Variants in RUNX2 observed in about 807,000 individuals in gnomAD.
RUNX2 encodes RUNX family transcription factor 2, also known as runt-related transcription factor 2.
RUNX2 carries 10 observed loss-of-function variants against 51.7 expected under a neutral mutation model. The ratio of observed to expected loss-of-function variants is 0.19; its 90% confidence interval spans 0.12 to 0.33. The LOEUF (loss-of-function observed/expected upper bound fraction) is 0.33, where lower values mean the gene tolerates loss of function less well. Ranked by LOEUF, RUNX2 falls within the 10% of genes least tolerant of loss-of-function variation. RUNX2 has a pLI of 1.00. For missense variants in RUNX2, 562 were observed against 691.3 expected, an observed-to-expected ratio of 0.81 and a Z score of 2.10; for synonymous variants, 276 against 273.6, an observed-to-expected ratio of 1.01 and a Z score of -0.09.
intron 7 of RUNX2, among the ~76,000 whole-genome samples, chr6:45,516,814 T>C (rs1012935717): frequency 2.6e-5 from 4 of 152,234 alleles, no homozygotes; most frequent in African/African-American, 9.6e-5. Context: ...CATTACAAAA[T>C]ACTATGTAAA....
At chr6:45,505,591 T>C (rs554054687) in intron 6 of RUNX2, among the ~76,000 whole-genome samples, 1 of 152,252 alleles carries the variant, frequency 6.6e-6, no homozygotes, top group African/African-American at 2.4e-5. Flanking sequence ...AAAAAGACTG[T>C]TTGCTTTCCT....
chr6:45,441,560 T>C (rs1330504930), intron 5 of RUNX2, among the ~76,000 whole-genome samples: 1 of 152,244 alleles, frequency 6.6e-6, no homozygotes, highest in Non-Finnish European at 1.5e-5. Flanking sequence ...CAGCTATTAT[T>C]ACATCAATTT....
At chr6:45,487,354 C>G (rs1800314108) in intron 5 of RUNX2, among the ~76,000 whole-genome samples, 1 of 152,110 alleles carries the variant, frequency 6.6e-6, no homozygotes, top group Non-Finnish European at 1.5e-5. Flanking sequence ...CTCAGGGACT[C>G]AGGGTCCTCA....
intron 3 of RUNX2, 81 bp from the exon 4 acceptor site, chr6:45,431,782 A>C: frequency 6.8e-7 from 1 of 1,479,966 alleles, no homozygotes; most frequent in Admixed American, 1.7e-5. Context: ...GATAAGACAC[A>C]TCATTTGCAA....
chr6:45,516,577 A>G (rs1801328927), intron 7 of RUNX2, among the ~76,000 whole-genome samples: 1 of 152,206 alleles, frequency 6.6e-6, no homozygotes, highest in Non-Finnish European at 1.5e-5. Flanking sequence ...GATTTTATAC[A>G]TTATCTCACT....
At position 45,549,469 on chromosome 6, in the gene RUNX2, TA is replaced by T. The variant is rs1438326285; in HGVS notation, c.*2165del. 5.0e-6 allele frequency: 2 copies of T among 398,000 alleles called. No individual in the cohort carries two copies. Among genetic ancestry groups the T allele is most frequent in the South Asian group, 2.7e-4 (2 of 7,428 alleles). 24.7% of individuals were successfully genotyped at this position (398,000 alleles called of 1,614,324 possible). ...AACACTTTGCCTTCTAAAGGCCGTA[TA>T]CCAAGTATGCTTAGATAAATAAGCC... On this transcript the variant is annotated 3_prime_UTR_variant, in exon 9 of 9. Coordinates refer to ENST00000647337, the MANE Select transcript of RUNX2 (RefSeq NM_001024630.4).
At chr6:45,467,321 G>A (rs1031437642) in intron 5 of RUNX2, among the ~76,000 whole-genome samples, 11 of 151,800 alleles carry the variant, frequency 7.2e-5, no homozygotes, top group South Asian at 2.1e-4. Context: ...TCCCTCTGTC[G>A]CTCAGGCTGG....
intron 2 of RUNX2, among the ~76,000 whole-genome samples, chr6:45,348,724 TTAAA>T (rs753710101): frequency 6.6e-6 from 1 of 151,040 alleles, no homozygotes; most frequent in Non-Finnish European, 1.5e-5. Context: ...TAACAAGGCA[TTAAA>T]TGAAATAATA....
intron 2 of RUNX2, among the ~76,000 whole-genome samples, chr6:45,402,416 G>A (rs1458736451): frequency 2.0e-5 from 3 of 152,134 alleles, no homozygotes; most frequent in South Asian, 4.1e-4. Context: ...ATTTTAAAGA[G>A]CCCTGAAATG....
chr6:45,456,993 T>C (rs1799335616), intron 5 of RUNX2, among the ~76,000 whole-genome samples: 1 of 152,194 alleles, frequency 6.6e-6, no homozygotes, highest in South Asian at 2.1e-4. Context: ...GAAAAATGTG[T>C]AAGATGTCAC....
chr6:45,541,127 C>G (rs748381405), intron 7 of RUNX2, among the ~76,000 whole-genome samples: 1 of 152,090 alleles, frequency 6.6e-6, no homozygotes, highest in Non-Finnish European at 1.5e-5. Flanking sequence ...TCCTTAGACT[C>G]ATTTACGTAT....
At chr6:45,336,417 C>T (rs182666407) in intron 2 of RUNX2, among the ~76,000 whole-genome samples, 22 of 151,342 alleles carry the variant, frequency 1.5e-4, no homozygotes, top group Non-Finnish European at 3.1e-4. Flanking sequence ...CACAAGTACC[C>T]AGGAAGAAAA....
At chr6:45,397,915 T>A (rs937044044) in intron 2 of RUNX2, among the ~76,000 whole-genome samples, 3 of 152,158 alleles carry the variant, frequency 2.0e-5, no homozygotes, top group Non-Finnish European at 2.9e-5. Context: ...GCAGGGAGGA[T>A]CTTATCTCAT....
intron 7 of RUNX2, among the ~76,000 whole-genome samples, chr6:45,543,044 T>G (rs1230902468): frequency 1.3e-5 from 2 of 152,222 alleles, no homozygotes; most frequent in African/African-American, 4.8e-5. Flanking sequence ...CCTAAAGCTT[T>G]ACAAGAGCAA....
chr6:45,343,097 C>T (rs1456245640), intron 2 of RUNX2, among the ~76,000 whole-genome samples: 2 of 152,178 alleles, frequency 1.3e-5, no homozygotes, highest in Admixed American at 1.3e-4. Flanking sequence ...CTGACAAAAG[C>T]ATTACAATTA....
chr6:45,347,053 AT>A (rs1791031449), intron 2 of RUNX2, among the ~76,000 whole-genome samples: 1 of 152,198 alleles, frequency 6.6e-6, no homozygotes, highest in African/African-American at 2.4e-5. Flanking sequence ...GGTACTTTAT[AT>A]AATTAAAAAT....
chr6:45,380,766 G>A lies in RUNX2; in HGVS notation c.59-41827G>A, dbSNP rs191733342. ...TAATTTTTGTATTTTTAATAGAGAC[G>A]GGGTTTCACCATGTTGGTCAGGCTG... On this transcript the variant is annotated intron_variant, in intron 2 of 8. Coordinates refer to ENST00000647337, the MANE Select transcript of RUNX2 (RefSeq NM_001024630.4). Among the ~76,000 whole-genome samples the A allele has an allele frequency of 2.3e-3, 344 of 152,122 alleles. 1 individual carries two copies. The highest frequency in any genetic ancestry group is 2.5e-3 in the Non-Finnish European group (173 of 68,002).
At chr6:45,529,508 A>T (rs1801776061) in intron 7 of RUNX2, among the ~76,000 whole-genome samples, 1 of 151,946 alleles carries the variant, frequency 6.6e-6, no homozygotes, top group African/African-American at 2.4e-5. Context: ...TTGGCTGTCA[A>T]ACCTAGTTTT....
At chr6:45,532,106 G>A (rs1222658699) in intron 7 of RUNX2, among the ~76,000 whole-genome samples, 1 of 134,108 alleles carries the variant, frequency 7.5e-6, no homozygotes, top group Non-Finnish European at 1.6e-5. Flanking sequence ...CATTTTTTTA[G>A]TTTTTAGAAA....
Sources: gnomAD v4.1 joint callset for allele counts (sites outside exome capture counted in the v4.1 genomes callset) on GRCh38, gnomAD v4.1.1 for gene constraint, MANE v1.5 for transcripts, NCBI Gene and HGNC (gene_info 2026-07-23, HGNC 2026-07-21) for gene names.